Variants in PARD3B observed in about 807,000 individuals in gnomAD.
PARD3B encodes the protein par-3 family cell polarity regulator beta, also known as partitioning defective 3 homolog B.
A neutral mutation model predicts 130.2 loss-of-function variants in PARD3B; 103 were observed. That is an observed-to-expected ratio of 0.79 (90% CI 0.67 to 0.93). The LOEUF is 0.93. PARD3B is among the 40% of genes least tolerant of loss of function. PARD3B has a pLI of 0.00. For missense variants in PARD3B, 1,609 were observed against 1,499.2 expected (o/e 1.07, Z -1.21); for synonymous variants, 583 against 553.2 (o/e 1.05, Z -0.76).
chr2:205,481,896 A>G (rs941049276), intron 20 of PARD3B, among the ~76,000 whole-genome samples: 11 of 152,322 alleles, frequency 7.2e-5, no homozygotes, highest in African/African-American at 2.6e-4. Flanking sequence ...GAAGATTTCA[A>G]TGGAAATGTG....
intron 20 of PARD3B, among the ~76,000 whole-genome samples, chr2:205,453,925 A>G (rs1452252749): frequency 6.6e-6 from 1 of 152,180 alleles, no homozygotes; most frequent in Non-Finnish European, 1.5e-5. Flanking sequence ...GTTGGAAACT[A>G]CTAAGCATGT....
At chr2:205,358,745 C>T (rs2105871731) in intron 18 of PARD3B, among the ~76,000 whole-genome samples, 1 of 152,284 alleles carries the variant, frequency 6.6e-6, no homozygotes, top group African/African-American at 2.4e-5. Flanking sequence ...TTGAATAATT[C>T]CTGTTTCATC....
intron 1 of PARD3B, among the ~76,000 whole-genome samples, chr2:204,656,968 T>C (rs2035658788): frequency 1.3e-5 from 2 of 152,178 alleles, no homozygotes; most frequent in African/African-American, 4.8e-5. Flanking sequence ...AAGAGTAAGA[T>C]CATGATGTCT....
intron 4 of PARD3B, among the ~76,000 whole-genome samples, chr2:205,097,525 T>C (rs1238887443): frequency 6.6e-6 from 1 of 152,172 alleles, no homozygotes; most frequent in African/African-American, 2.4e-5. Context: ...AGATCTGTAC[T>C]AGCTACTTTA....
rs531073783 is a variant in PARD3B at position 205,264,111 on chromosome 2, T to C, written c.2185+18289T>C. 1.1e-4 allele frequency among the ~76,000 whole-genome samples: 16 copies of C among 150,934 alleles called. 1 individual carries two copies. The East Asian group carries it at 3.1e-3, about 29-fold the overall frequency. ...AAGATCAGAAGAAAGGTAGTGCCTT[T>C]AATAGAAAGAATCATGAAGAAGGGT... On this transcript the variant is annotated intron_variant, in intron 16 of 22. Transcript: ENST00000406610.
At chr2:205,150,209 C>CTGTG (rs1491537101) in intron 10 of PARD3B, among the ~76,000 whole-genome samples, 2 of 118,536 alleles carry the variant, frequency 1.7e-5, no homozygotes, top group Admixed American at 9.9e-5. Context: ...GCCAGCCAGG[C>CTGTG]TCTGTGTGTG....
chr2:204,586,556 T>C (rs996846907), intron 1 of PARD3B, among the ~76,000 whole-genome samples: 11 of 152,190 alleles, frequency 7.2e-5, no homozygotes, highest in African/African-American at 2.2e-4. Flanking sequence ...TTGCCAACCA[T>C]GGGTCCCGGT....
At chr2:205,360,811 C>G (rs1055158813) in intron 18 of PARD3B, among the ~76,000 whole-genome samples, 1 of 152,164 alleles carries the variant, frequency 6.6e-6, no homozygotes, top group Non-Finnish European at 1.5e-5. Context: ...ATGAGATGTC[C>G]CAGACACACG....
intron 3 of PARD3B, among the ~76,000 whole-genome samples, chr2:204,991,153 G>T (rs953355267): frequency 5.3e-5 from 8 of 150,984 alleles, no homozygotes; most frequent in African/African-American, 2.0e-4. Flanking sequence ...GTATACATGT[G>T]CCATGCTGGT....
chr2:204,860,358 CT>C (rs1298842114), intron 2 of PARD3B, among the ~76,000 whole-genome samples: 2 of 152,212 alleles, frequency 1.3e-5, no homozygotes, highest in Non-Finnish European at 2.9e-5. Context: ...GCTCTCTCTT[CT>C]GGTGAGACAG....
rs57665264 is a variant in PARD3B, at chr2:205,454,096, A to G, written c.3044+13424A>G. On this transcript the variant is annotated intron_variant, in intron 20 of 22. Transcript: ENST00000406610. ...ACTCAAGGCTGCGGGGTACAAAAGT[A>G]TATCAGAAGCCTTGGGCTTTGACCT... is the stretch of plus-strand genomic sequence containing the variant. Among the ~76,000 whole-genome samples the G allele has an allele frequency of 5.0e-3, 760 of 152,280 alleles. 2 individuals are homozygous for G. The highest frequency in any genetic ancestry group is 8.5e-3 in the Admixed American group (130 of 15,294).
intron 4 of PARD3B, among the ~76,000 whole-genome samples, chr2:205,083,130 A>G (rs1701527125): frequency 6.6e-6 from 1 of 152,010 alleles, no homozygotes; most frequent in Non-Finnish European, 1.5e-5. Context: ...CATGCTGACC[A>G]GGTTGGTCTC....
intron 22 of PARD3B, among the ~76,000 whole-genome samples, chr2:205,570,265 A>C (rs891805231): frequency 2.0e-5 from 3 of 152,132 alleles, no homozygotes; most frequent in African/African-American, 7.2e-5. Flanking sequence ...GGTGAGTGAG[A>C]ATTTTGTAAC....
rs182176591 is a variant in PARD3B at position 205,268,588 on chromosome 2, C to T, written c.2185+22766C>T. 1.0e-3 allele frequency among the ~76,000 whole-genome samples: 156 copies of T among 152,092 alleles called. No individual in the cohort carries two copies. The highest frequency in any genetic ancestry group is 3.7e-3 in the African/African-American group (155 of 41,494). ...AATCAGGTGGAAAGTGCTCTAATGC[C>T]ACTAGTATTAGGAGGCGGTAATTTG... is the stretch of plus-strand genomic sequence containing the variant. On this transcript the variant is annotated intron_variant, in intron 16 of 22. Transcript: ENST00000406610. The surrounding 1 kb of genome is among the most constrained non-coding windows in gnomAD (Gnocchi z 4.1).
At chr2:204,549,632 T>C (rs1227897524) in intron 1 of PARD3B, among the ~76,000 whole-genome samples, 7 of 152,140 alleles carry the variant, frequency 4.6e-5, no homozygotes. Context: ...CCAGCCAAGG[T>C]TGAGAATCAC....
chr2:205,440,675 A>T lies in PARD3B; in HGVS notation c.3044+3A>T, dbSNP rs1285186153. ...CATCCACTGGTTCCAGCTGACAGGT[A>T]ATAAACTTAGTGAAAGATAAATGTA... On this transcript the variant is annotated splice_donor_region_variant and intron_variant, in intron 20 of 22. Transcript: ENST00000406610. The surrounding 1 kb of genome is among the most constrained non-coding windows in gnomAD (Gnocchi z 4.2). 2 of 1,607,380 alleles carry T rather than the reference A, an allele frequency of 1.2e-6. No individual in the cohort carries two copies. The highest frequency in any genetic ancestry group is 1.7e-6 in the Non-Finnish European group (2 of 1,174,260).
chr2:205,198,622 A>T (rs186837265), intron 15 of PARD3B, among the ~76,000 whole-genome samples: 13 of 152,274 alleles, frequency 8.5e-5, no homozygotes, highest in African/African-American at 2.9e-4. Flanking sequence ...TTGAATATGA[A>T]ACCTTTTATA....
intron 3 of PARD3B, among the ~76,000 whole-genome samples, chr2:205,016,279 CCTTCTGCACCTGCAAAACCTAT>C (rs1696142502): frequency 6.6e-6 from 1 of 152,132 alleles, no homozygotes; most frequent in Admixed American, 6.6e-5. Context: ...AAATGTAAAC[CCTTCTGCACCTGCAAAACCTAT>C]CTTTTTTGAC....
At chr2:205,094,125 C>T (rs956832427) in intron 4 of PARD3B, among the ~76,000 whole-genome samples, 32 of 152,186 alleles carry the variant, frequency 2.1e-4, no homozygotes, top group Non-Finnish European at 3.7e-4. Flanking sequence ...TCAAGTGCCT[C>T]TTAGGTTGTC....
Sources: gnomAD v4.1 joint callset for allele counts (sites outside exome capture counted in the v4.1 genomes callset) on GRCh38, gnomAD v4.1.1 for gene constraint, Gnocchi (gnomAD v3.1) non-coding constraint, MANE v1.5 for transcripts, NCBI Gene and HGNC (gene_info 2026-07-23, HGNC 2026-07-21) for gene names.